MYO5C: variants seen among roughly 807,000 people sequenced by gnomAD.
MYO5C encodes the protein myosin VC, also known as unconventional myosin-Vc.
Under a neutral mutation model 235.7 loss-of-function variants are expected in MYO5C, and 194 were observed. The observed-to-expected ratio is 0.82, with a 90% CI of 0.73 to 0.93. The LOEUF (loss-of-function observed/expected upper bound fraction) is 0.93. Ranked by LOEUF, MYO5C falls within the 40% of genes least tolerant of loss-of-function variation. MYO5C has a pLI of 0.00. For missense variants in MYO5C, 2,038 were observed against 2,127.2 expected (o/e 0.96, Z 0.82); for synonymous variants, 707 against 754.8 (o/e 0.94, Z 1.04).
In MYO5C at chr15:52,245,360, G is replaced by A; in HGVS notation, c.2172C>T (p.Leu724=). 1.2e-6 allele frequency: 2 copies of A among 1,611,196 alleles called. No homozygotes were observed. Among genetic ancestry groups the A allele is most frequent in the Non-Finnish European group, 1.7e-6 (2 of 1,177,284 alleles). ...AGGAGGTGGGGAAACTGACCTGGAT[G>A]AGTCTGTGTAAAACCACCTTGCACA... ...KEVCKVVLHR[L]IQDSNQYQFG... Residue 724 remains leucine (L), a synonymous_variant, in exon 18 of 41, where the codon CTC becomes CTT. Coordinates refer to ENST00000261839, the MANE Select transcript of MYO5C (RefSeq NM_018728.4).
At position 52,219,804 on chromosome 15, in the gene MYO5C, G is replaced by A. The variant is rs745456595; in HGVS notation, c.3740C>T (p.Ser1247Phe). The A allele has an allele frequency of 4.5e-5, 73 of 1,612,056 alleles. 2 individuals are homozygous for A. The South Asian group carries it at 7.9e-4, about 18-fold the overall frequency. The change falls in exon 31 of 41, where the codon TCT (serine) becomes TTT (phenylalanine). Residue 1247 changes from serine (S) to phenylalanine (F), a missense_variant. By Grantham distance (155) the Ser-to-Phe change is radical. Coordinates refer to ENST00000261839, the MANE Select transcript of MYO5C (RefSeq NM_018728.4). ...CTCTTGACTGCGATGTAACTGATTA[G>A]ACAATTCTTCTAGTTTTCCTATAAT... The part of the protein sequence containing the change: ...EKMKGKLEEL[S>F]NQLHRSQEEE...
chr15:52,256,195 C>T (rs1020497937), intron 11 of MYO5C, among the ~76,000 whole-genome samples: 1 of 152,088 alleles, frequency 6.6e-6, no homozygotes, highest in African/African-American at 2.4e-5. Flanking sequence ...CAGGAGGTAT[C>T]GCAGGAGGCT....
In MYO5C at chr15:52,249,332, TGAA is replaced by T. The variant is rs1050076849; in HGVS notation, c.1663-552_1663-550del. On this transcript the variant is annotated intron_variant, in intron 13 of 40. Coordinates refer to ENST00000261839, the MANE Select transcript of MYO5C (RefSeq NM_018728.4). ...AAACTCTCCATGCTGCCCTTTCTGA[TGAA>T]GAAGGCTTCTCGAATGCCTCAAACC... Among the ~76,000 whole-genome samples, 12 of 152,204 alleles carry T rather than the reference TGAA, an allele frequency of 7.9e-5. 1 individual carries two copies. The highest frequency in any genetic ancestry group is 7.2e-4 in the Admixed American group (11 of 15,282).
At chr15:52,269,386 A>AT (rs71130145) in intron 8 of MYO5C, among the ~76,000 whole-genome samples, 88,387 of 105,178 alleles carry the variant, frequency 0.84, 38,586 homozygotes, top group South Asian at 0.95. Context: ...CCACCTTTTA[A>AT]TTTTTTTTTT....
intron 24 of MYO5C, among the ~76,000 whole-genome samples, chr15:52,229,579 G>A (rs1219854078): frequency 3.3e-5 from 5 of 152,164 alleles, no homozygotes; most frequent in Admixed American, 6.5e-5. Context: ...AGCTGAGATC[G>A]TGCCACTGCA....
intron 23 of MYO5C, among the ~76,000 whole-genome samples, chr15:52,234,790 C>G (rs1167303504): frequency 6.6e-6 from 1 of 152,190 alleles, no homozygotes; most frequent in African/African-American, 2.4e-5. Flanking sequence ...ATTCGCTCCT[C>G]CCACTCTCCG....
In MYO5C at chr15:52,244,491, C is replaced by G; in HGVS notation, c.2255G>C (p.Arg752Pro). 10 of 1,614,138 alleles carry G rather than the reference C, an allele frequency of 6.2e-6. No homozygotes were observed. Among genetic ancestry groups the G allele is most frequent in the Non-Finnish European group, 8.5e-6 (10 of 1,180,038 alleles). ...ACAACTCTGCCTCAGTTTATCCAATCGAAGTTTCTCTAAATAAGCCACTTG... is the reference window on the plus strand; with the variant it reads ...ACAACTCTGCCTCAGTTTATCCAATGGAAGTTTCTCTAAATAAGCCACTTG... Reference protein sequence around the residue: ...AGQVAYLEKLRLDKLRQSCVM... With the variant: ...AGQVAYLEKLPLDKLRQSCVM... The change falls in exon 19 of 41, where the codon CGA (arginine) becomes CCA (proline). Residue 752 changes from arginine (R) to proline (P), a missense_variant. By Grantham distance (103) the Arg-to-Pro change is moderately radical. Coordinates refer to ENST00000261839, the MANE Select transcript of MYO5C (RefSeq NM_018728.4).
intron 36 of MYO5C, among the ~76,000 whole-genome samples, chr15:52,207,360 G>A (rs891978179): frequency 6.6e-6 from 1 of 152,104 alleles, no homozygotes; most frequent in Non-Finnish European, 1.5e-5. Flanking sequence ...TGTTGTAAAC[G>A]GACTAGTCTG....
chr15:52,226,883 C>T (rs770651940), intron 25 of MYO5C, among the ~76,000 whole-genome samples: 12 of 152,130 alleles, frequency 7.9e-5, no homozygotes, highest in Non-Finnish European at 4.4e-5. Context: ...CACGGTGGCT[C>T]ACGCCTGTAA....
intron 9 of MYO5C, among the ~76,000 whole-genome samples, chr15:52,261,877 C>T (rs567849219): frequency 6.6e-5 from 10 of 152,292 alleles, no homozygotes; most frequent in South Asian, 2.1e-4. Flanking sequence ...GCTCCCCTGC[C>T]GGCACCATTC....
Position 52,218,697 on chromosome 15 carries a change from G to C in MYO5C, c.3786-10C>G. On this transcript the variant is annotated splice_polypyrimidine_tract_variant and intron_variant, in intron 31 of 40. Coordinates refer to ENST00000261839, the MANE Select transcript of MYO5C (RefSeq NM_018728.4). The stretch of plus-strand genomic sequence containing the variant: ...TTGGGCTTCCAAGGCCCTGAGAAAG[G>C]GAGGGAGGAATGGCTGGTATCAGTA... The C allele has an allele frequency of 6.2e-7, 1 of 1,613,842 alleles. No individual in the cohort carries two copies. Among genetic ancestry groups the C allele is most frequent in the Non-Finnish European group, 8.5e-7 (1 of 1,179,822 alleles).
rs1176730640 is a variant in MYO5C, at chr15:52,205,953, T to C, written c.4400A>G (p.His1467Arg). Residue 1467 changes from histidine to arginine, a missense_variant, in exon 37 of 41, where the codon CAT becomes CGT. Physicochemically the swap from His to Arg is conservative, Grantham distance 29. Coordinates refer to ENST00000261839, the MANE Select transcript of MYO5C (RefSeq NM_018728.4). Reference protein sequence around the residue: ...QYSGEEEFMKHNSPQQNKNCL... With the variant: ...QYSGEEEFMKRNSPQQNKNCL... ...ATTCTTATTCTGCTGTGGACTATTA[T>C]GCTTCATGAATTCCTAAAAGTAATT... is the stretch of plus-strand genomic sequence containing the variant. 2 of 1,556,030 alleles carry C rather than the reference T, an allele frequency of 1.3e-6. No individual in the cohort carries two copies. The highest frequency in any genetic ancestry group is 2.7e-5 in the African/African-American group (2 of 73,240).
chr15:52,279,935 A>G (rs2140857960), intron 2 of MYO5C, among the ~76,000 whole-genome samples: 1 of 152,290 alleles, frequency 6.6e-6, no homozygotes, highest in South Asian at 2.1e-4. Context: ...ATCTGCGAAG[A>G]GGAGCTAGAG....
chr15:52,220,223 C>T (rs2035645750), intron 30 of MYO5C, among the ~76,000 whole-genome samples: 1 of 152,150 alleles, frequency 6.6e-6, no homozygotes, highest in Non-Finnish European at 1.5e-5. Context: ...AAAAATTGTT[C>T]CACATAAATA....
chr15:52,232,348 A>AG (rs2035983531), intron 24 of MYO5C, among the ~76,000 whole-genome samples: 2 of 151,406 alleles, frequency 1.3e-5, no homozygotes, highest in South Asian at 2.1e-4. Flanking sequence ...AAAGAAGAGA[A>AG]AGAAAGAAAG....
intron 10 of MYO5C, among the ~76,000 whole-genome samples, chr15:52,258,755 CTAT>C (rs1406677981): frequency 1.3e-5 from 2 of 152,184 alleles, no homozygotes; most frequent in African/African-American, 4.8e-5. Context: ...AGCAAACAGG[CTAT>C]TGTTAGAATT....
rs74015647 is a variant in MYO5C at position 52,253,620 on chromosome 15, C to T, written c.1396-163G>A. On this transcript the variant is annotated intron_variant, in intron 11 of 40. Coordinates refer to ENST00000261839, the MANE Select transcript of MYO5C (RefSeq NM_018728.4). ...ACAAGGCCCATACCGTGATCAATAC[C>T]GCCGAGTTCCTAAAGCGAGTCTAGC... is the stretch of plus-strand genomic sequence containing the variant. Among the ~76,000 whole-genome samples the T allele has an allele frequency of 1.6e-3, 239 of 152,306 alleles. 1 individual carries two copies. Among genetic ancestry groups the T allele is most frequent in the African/African-American group, 5.7e-3 (236 of 41,568 alleles).
At chr15:52,233,783 C>T (rs2036021101) in intron 23 of MYO5C, among the ~76,000 whole-genome samples, 1 of 152,228 alleles carries the variant, frequency 6.6e-6, no homozygotes, top group Admixed American at 6.5e-5. Flanking sequence ...GGGAGAATGG[C>T]AGTGCAGCCC....
At position 52,225,465 on chromosome 15, in the gene MYO5C, A is replaced by C; in HGVS notation, c.3275T>G (p.Val1092Gly). The change falls in exon 26 of 41, where the codon GTG becomes GGG. Residue 1092 changes from valine (V) to glycine (G), a missense_variant. Val to Gly is a moderately radical substitution (Grantham distance 109, BLOSUM62 -3). Coordinates refer to ENST00000261839, the MANE Select transcript of MYO5C (RefSeq NM_018728.4). Reference sequence around the variant, plus strand: ...TCTCATTTCCCGTTTTTGTGACTGCACATGTTTCTCCACATCTATCTTCTG... The same window carrying C: ...TCTCATTTCCCGTTTTTGTGACTGCCCATGTTTCTCCACATCTATCTTCTG... ...QAQKIDVEKH[V>G]QSQKREMREK... 1 of 1,613,710 alleles carries C rather than the reference A, an allele frequency of 6.2e-7. No individual in the cohort carries two copies. Among genetic ancestry groups the C allele is most frequent in the Non-Finnish European group, 8.5e-7 (1 of 1,179,808 alleles).
Sources: gnomAD v4.1 joint callset for allele counts (sites outside exome capture counted in the v4.1 genomes callset) on GRCh38, gnomAD v4.1.1 for gene constraint, MANE v1.5 for transcripts, NCBI Gene and HGNC (gene_info 2026-07-23, HGNC 2026-07-21) for gene names.